The following RCOR3 variants were observed in gnomAD, a reference collection of about 807,000 sequenced individuals.
RCOR3 encodes REST corepressor 3.
In RCOR3, 13 loss-of-function variants were observed where a neutral mutation model predicts 64.1. That is an observed-to-expected ratio of 0.20 (90% CI 0.13 to 0.32). The LOEUF (loss-of-function observed/expected upper bound fraction) is 0.32. Among genes scored for constraint, RCOR3 ranks in the 10% least tolerant of loss-of-function variants. RCOR3 has a pLI of 1.00. For missense variants in RCOR3, 489 were observed against 701.2 expected (o/e 0.70, Z 3.42); for synonymous variants, 215 against 239.0 (o/e 0.90, Z 0.93).
At position 211,276,302 on chromosome 1, in the gene RCOR3, C is replaced by G; in HGVS notation, c.400C>G (p.Leu134Val). The G allele has an allele frequency of 6.2e-7, 1 of 1,613,990 alleles. No individual in the cohort carries two copies. Among genetic ancestry groups the G allele is most frequent in the Non-Finnish European group, 8.5e-7 (1 of 1,179,908 alleles). ...GCATAAACATAACATTGAGAAGTCC[C>G]TTGCTGATCTCCCTAATTTCACTCC... ...FWHKHNIEKSLADLPNFTPFP... is the reference protein window; with the variant it reads ...FWHKHNIEKSVADLPNFTPFP... The change falls in exon 5 of 12, where the codon CTT becomes GTT. Residue 134 changes from leucine (L) to valine (V), a missense_variant. By Grantham distance (32) the Leu-to-Val change is conservative. Around this residue, in one of 2 missense-constraint regions of RCOR3, gnomAD observed 402 missense variants for 617.0 expected, o/e 0.65. Coordinates refer to ENST00000419091, the MANE Select transcript of RCOR3 (RefSeq NM_001136223.3).
chr1:211,305,658 T>C (rs1700781308), intron 10 of RCOR3, among the ~76,000 whole-genome samples: 1 of 152,174 alleles, frequency 6.6e-6, no homozygotes, highest in Admixed American at 6.5e-5. Context: ...AAGAATGTCA[T>C]AGGAAAATCT....
In RCOR3 at chr1:211,313,183, T is replaced by G; in HGVS notation, c.1317+222T>G. 7.0e-7 allele frequency: 1 copy of G among 1,436,476 alleles called. No individual in the cohort carries two copies. Among genetic ancestry groups the G allele is most frequent in the South Asian group, 1.5e-5 (1 of 65,096 alleles). 89.0% of individuals were successfully genotyped at this position (1,436,476 alleles called of 1,614,324 possible). A position where few individuals can be genotyped will look rare whatever the true frequency, so the allele number is the denominator to read the frequency against. On this transcript the variant is annotated intron_variant, in intron 11 of 11. Transcript: ENST00000419091. The surrounding 1 kb of genome is among the most constrained non-coding windows in gnomAD (Gnocchi z 4.7). The stretch of plus-strand genomic sequence containing the variant: ...GTGTATTGTTCTTTCATAGTCTTAT[T>G]TTTATTTTCAGTGTTAAGCTGTTTA...
At chr1:211,259,770 C>A (rs755875759) in intron 1 of RCOR3, 44 bp downstream of exon 1, 1 of 1,356,808 alleles carries the variant, frequency 7.4e-7, no homozygotes, top group Non-Finnish European at 9.7e-7. Context: ...CTGCCCCCCT[C>A]CCTCTTCCCC....
chr1:211,308,668 T>TG (rs1701130360), intron 10 of RCOR3, among the ~76,000 whole-genome samples: 3 of 25,138 alleles, frequency 1.2e-4, no homozygotes, highest in African/African-American at 2.7e-4. Flanking sequence ...TGTGTTTTTT[T>TG]TTTTGTTTTT....
chr1:211,276,201 A>G, intron 4 of RCOR3, 56 bp from the exon 5 acceptor site: 3 of 1,489,698 alleles, frequency 2.0e-6, no homozygotes, highest in Admixed American at 1.9e-5. Flanking sequence ...TAACTTTCTT[A>G]AGTGTGATGG....
chr1:211,276,757 A>C (rs750135969), intron 5 of RCOR3, among the ~76,000 whole-genome samples: 13 of 152,134 alleles, frequency 8.5e-5, no homozygotes, highest in Non-Finnish European at 1.6e-4. Flanking sequence ...ATTTTTTCCA[A>C]TTTATATATT....
At chr1:211,311,158 GTCACTATTAGAATTTAT>G (rs1354113071) in intron 10 of RCOR3, among the ~76,000 whole-genome samples, 1 of 152,078 alleles carries the variant, frequency 6.6e-6, no homozygotes, top group Non-Finnish European at 1.5e-5. Flanking sequence ...GTGGAATCTA[GTCACTATTAGAATTTAT>G]ACTTAACTGT....
intron 10 of RCOR3, 117 bp downstream of exon 10, chr1:211,304,257 TCA>T: frequency 1.5e-6 from 1 of 652,664 alleles, no homozygotes; most frequent in Non-Finnish European, 2.4e-6. Flanking sequence ...CTTGTGTTTA[TCA>T]CAAAGTCCTG....
chr1:211,271,352 T>C (rs1044892769), intron 3 of RCOR3, 43 bp downstream of exon 3: 4 of 1,491,964 alleles, frequency 2.7e-6, no homozygotes, highest in Non-Finnish European at 2.8e-6. Context: ...CAGGAGTTTA[T>C]CAGCCAATTC....
chr1:211,280,543 C>A (rs1302704846), intron 7 of RCOR3, among the ~76,000 whole-genome samples: 1 of 152,150 alleles, frequency 6.6e-6, no homozygotes, highest in East Asian at 1.9e-4. Context: ...TAAGAAGGAT[C>A]TTCTTTCTTT....
intron 2 of RCOR3, among the ~76,000 whole-genome samples, chr1:211,269,235 G>A (rs899653668): frequency 6.6e-6 from 1 of 151,742 alleles, no homozygotes; most frequent in African/African-American, 2.4e-5. Context: ...AGGCTGAGGC[G>A]GGTGGATCAT....
intron 9 of RCOR3, chr1:211,302,438 T>C (rs538591775): frequency 2.0e-5 from 3 of 152,274 alleles, no homozygotes; most frequent in African/African-American, 7.2e-5. Flanking sequence ...AACAAAGTAT[T>C]AAGAGAGGCC....
chr1:211,274,391 C>T (rs1696664121), intron 4 of RCOR3, 129 bp downstream of exon 4: 1 of 532,874 alleles, frequency 1.9e-6, no homozygotes, highest in Non-Finnish European at 3.3e-6. Flanking sequence ...CCACAAAAGT[C>T]CTAGCAAAGA....
intron 6 of RCOR3, among the ~76,000 whole-genome samples, chr1:211,278,967 TCA>T (rs1222855362): frequency 2.0e-5 from 3 of 152,120 alleles, no homozygotes; most frequent in Non-Finnish European, 4.4e-5. Context: ...GGCGGGCAGA[TCA>T]CTTGAAGTCA....
chr1:211,260,760 G>A (rs1694118075), intron 2 of RCOR3, among the ~76,000 whole-genome samples: 1 of 152,168 alleles, frequency 6.6e-6, no homozygotes. Context: ...GGAAGGGGGT[G>A]GGGAGACGCC....
chr1:211,309,598 G>A (rs1701284015), intron 10 of RCOR3, among the ~76,000 whole-genome samples: 1 of 152,034 alleles, frequency 6.6e-6, no homozygotes, highest in Non-Finnish European at 1.5e-5. Flanking sequence ...CTTTGAAAAC[G>A]ACCTCTTTTC....
intron 7 of RCOR3, among the ~76,000 whole-genome samples, chr1:211,288,359 C>T (rs1698807947): frequency 6.7e-6 from 1 of 149,832 alleles, no homozygotes; most frequent in Non-Finnish European, 1.5e-5. Flanking sequence ...TAAAACTTCA[C>T]AGTCATCATT....
At chr1:211,269,051 T>C (rs1695717834) in intron 2 of RCOR3, among the ~76,000 whole-genome samples, 1 of 152,192 alleles carries the variant, frequency 6.6e-6, no homozygotes, top group Non-Finnish European at 1.5e-5. Context: ...GAAATGAATG[T>C]TCTTCATTCC....
intron 5 of RCOR3, among the ~76,000 whole-genome samples, chr1:211,277,071 G>A (rs1439038046): frequency 4.7e-5 from 7 of 149,326 alleles, no homozygotes; most frequent in South Asian, 2.1e-4. Flanking sequence ...GGGCAACAGC[G>A]CGAGACTCTG....
Sources: allele counts gnomAD v4.1 joint callset (sites outside exome capture counted in the v4.1 genomes callset), GRCh38; gene constraint gnomAD v4.1.1; regional missense constraint gnomAD v4.1.1; non-coding constraint Gnocchi (gnomAD v3.1); transcripts MANE v1.5; gene names NCBI Gene and HGNC (gene_info 2026-07-23, HGNC 2026-07-21).